The following ADAMTS20 variants were observed in gnomAD, a reference collection of about 807,000 sequenced individuals.
ADAMTS20 encodes A disintegrin and metalloproteinase with thrombospondin motifs 20.
Under a neutral mutation model 260.1 loss-of-function variants are expected in ADAMTS20, and 225 were observed. That is an observed-to-expected ratio of 0.87 (90% CI 0.78 to 0.97). The LOEUF (loss-of-function observed/expected upper bound fraction) is 0.97. ADAMTS20 is among the 50% of genes least tolerant of loss of function. ADAMTS20 has a pLI of 0.00. For synonymous variants in ADAMTS20, 802 were observed against 769.5 expected (o/e 1.04, Z -0.70); for missense variants, 2,400 against 2,337.7 (o/e 1.03, Z -0.55).
chr12:43,484,938 G>A (rs962920767), intron 7 of ADAMTS20, among the ~76,000 whole-genome samples: 1 of 151,918 alleles, frequency 6.6e-6, no homozygotes, highest in Non-Finnish European at 1.5e-5. Flanking sequence ...AAGAACCTCA[G>A]GGCCAGACGG....
At chr12:43,355,558 G>T (rs922541542) in intron 38 of ADAMTS20, among the ~76,000 whole-genome samples, 2 of 152,004 alleles carry the variant, frequency 1.3e-5, no homozygotes, top group African/African-American at 4.8e-5. Context: ...TCATTTATGA[G>T]AAATATTTAT....
Position 43,376,345 on chromosome 12 carries a change from T to C in ADAMTS20, c.5126-15A>G. ...AAATGATTTACCTTCAAAGACAAATTAACACAACTTAACACAGAGCAAATT... is the reference window on the plus strand; with the variant it reads ...AAATGATTTACCTTCAAAGACAAATCAACACAACTTAACACAGAGCAAATT... On this transcript the variant is annotated splice_polypyrimidine_tract_variant and intron_variant, in intron 33 of 38. Coordinates refer to ENST00000389420, the MANE Select transcript of ADAMTS20 (RefSeq NM_025003.5). 1 of 1,510,334 alleles carries C rather than the reference T, an allele frequency of 6.6e-7. No individual in the cohort carries two copies. Among genetic ancestry groups the C allele is most frequent in the South Asian group, 1.3e-5 (1 of 79,998 alleles). The allele number at this position is 1,510,334 out of a possible 1,614,324, so 93.6% of individuals were successfully genotyped here.
At chr12:43,550,809 A>T in intron 2 of ADAMTS20, 100 bp downstream of exon 2, 1 of 1,425,622 alleles carries the variant, frequency 7.0e-7, no homozygotes, top group African/African-American at 1.4e-5. Context: ...CCTGAACTCC[A>T]GGGTCATCAG....
chr12:43,544,831 C>T (rs1943421819), intron 2 of ADAMTS20, among the ~76,000 whole-genome samples: 2 of 152,168 alleles, frequency 1.3e-5, no homozygotes, highest in South Asian at 4.1e-4. Flanking sequence ...ACTTTTTGGT[C>T]TCCTTCACCA....
Position 43,383,704 on chromosome 12 carries a change from C to A in ADAMTS20, c.4651G>T (p.Asp1551Tyr). The A allele has an allele frequency of 1.2e-6, 2 of 1,613,846 alleles. No individual in the cohort carries two copies. Among genetic ancestry groups the A allele is most frequent in the Admixed American group, 3.3e-5 (2 of 60,014 alleles). Residue 1551 changes from aspartate to tyrosine, a missense_variant, in exon 31 of 39, where the codon GAT becomes TAT. Transcript: ENST00000389420. ...GTGCACTCCATTCGTTGATGTGAAT[C>A]TTTTCTCTCACATGATGTTGAACAC... Reference protein sequence around the residue: ...LNCSTSCERKDSHQRMECTDN... With the variant: ...LNCSTSCERKYSHQRMECTDN...
intron 7 of ADAMTS20, among the ~76,000 whole-genome samples, chr12:43,470,170 T>C (rs1200324959): frequency 6.6e-6 from 1 of 152,208 alleles, no homozygotes; most frequent in African/African-American, 2.4e-5. Context: ...CATCATCTTA[T>C]TATATGTTTC....
At chr12:43,517,436 A>T (rs955016330) in intron 3 of ADAMTS20, among the ~76,000 whole-genome samples, 4 of 152,064 alleles carry the variant, frequency 2.6e-5, no homozygotes, top group African/African-American at 9.6e-5. Flanking sequence ...AAATGATATC[A>T]TTTACAATAC....
chr12:43,492,826 T>C (rs1351530869), intron 5 of ADAMTS20, among the ~76,000 whole-genome samples, 197 bp from the exon 6 acceptor site: 1 of 152,062 alleles, frequency 6.6e-6, no homozygotes, highest in Non-Finnish European at 1.5e-5. Flanking sequence ...TGAATCTAAT[T>C]AGATCTTCTT....
In ADAMTS20 at chr12:43,398,967, T is replaced by G. The variant is rs569475209; in HGVS notation, c.4452+99A>C. 280 of 839,536 alleles carry G rather than the reference T, an allele frequency of 3.3e-4. No individual in the cohort carries two copies. The African/African-American group carries it at 4.6e-3, about 14-fold the overall frequency. 52.0% of individuals were successfully genotyped at this position (839,536 alleles called of 1,614,324 possible). A position where few individuals can be genotyped will look rare whatever the true frequency, so the allele number is the denominator to read the frequency against. ...GCAAAAAAGTATATAACAATAAATT[T>G]TAGAGAAGCAAAACATTCAAGGTTA... On this transcript the variant is annotated intron_variant, in intron 29 of 38. Transcript: ENST00000389420.
At chr12:43,437,684 T>C (rs765836173) in intron 18 of ADAMTS20, among the ~76,000 whole-genome samples, 16 of 152,176 alleles carry the variant, frequency 1.1e-4, no homozygotes, top group Non-Finnish European at 2.1e-4. Context: ...AATATTCTCT[T>C]CTCAAGAAAA....
intron 4 of ADAMTS20, among the ~76,000 whole-genome samples, chr12:43,496,128 G>A (rs17093393): frequency 0.12 from 17,550 of 152,068 alleles, 1,139 homozygotes; most frequent in Admixed American, 0.21. Context: ...AGGATACTAC[G>A]TTTGCTATAA....
chr12:43,421,596 A>C (rs1289240701), intron 28 of ADAMTS20, among the ~76,000 whole-genome samples: 1 of 152,044 alleles, frequency 6.6e-6, no homozygotes, highest in Non-Finnish European at 1.5e-5. Flanking sequence ...GAAAAGTAAA[A>C]CTTTTACTCA....
At chr12:43,514,086 T>TAAA (rs71091163) in intron 3 of ADAMTS20, among the ~76,000 whole-genome samples, 3 of 100,570 alleles carry the variant, frequency 3.0e-5, no homozygotes, top group African/African-American at 7.9e-5. Context: ...GAATAAACTC[T>TAAA]AAAAAAAAAA....
intron 2 of ADAMTS20, among the ~76,000 whole-genome samples, chr12:43,549,236 C>T (rs532857424): frequency 5.3e-5 from 8 of 151,262 alleles, no homozygotes; most frequent in African/African-American, 7.3e-5. Context: ...AATCTTCACA[C>T]GTAACATTAT....
intron 7 of ADAMTS20, 113 bp from the exon 8 acceptor site, chr12:43,468,818 A>G: frequency 1.7e-6 from 1 of 606,054 alleles, no homozygotes; most frequent in South Asian, 2.2e-5. Flanking sequence ...AAGAATGCAG[A>G]ATTGGCTGTT....
chr12:43,488,614 A>G (rs949828247), intron 7 of ADAMTS20, among the ~76,000 whole-genome samples: 1 of 152,182 alleles, frequency 6.6e-6, no homozygotes, highest in East Asian at 1.9e-4. Flanking sequence ...TTCACCATTT[A>G]CTAGCTTTGT....
chr12:43,436,807 T>C (rs565099818), intron 18 of ADAMTS20, among the ~76,000 whole-genome samples: 85 of 152,272 alleles, frequency 5.6e-4, no homozygotes, highest in Non-Finnish European at 1.0e-3. Context: ...CAACTTCTGT[T>C]ATCCCGCAGC....
At position 43,353,918 on chromosome 12, in the gene ADAMTS20, G is replaced by A. The variant is rs1375267364; in HGVS notation, c.*291C>T. 4 of 212,870 alleles carry A rather than the reference G, an allele frequency of 1.9e-5. No homozygotes were observed. The South Asian group carries it at 4.5e-4, about 24-fold the overall frequency. The allele number at this position is 212,870 out of a possible 1,614,324, so 13.2% of individuals were successfully genotyped here. ...TGTGGTCCAGGCCAAGATGTTAAGA[G>A]CAACACTGTCTTGGTATAATTCATT... On this transcript the variant is annotated 3_prime_UTR_variant, in exon 39 of 39. Transcript: ENST00000389420.
At chr12:43,547,217 T>C (rs1264225955) in intron 2 of ADAMTS20, among the ~76,000 whole-genome samples, 2 of 152,202 alleles carry the variant, frequency 1.3e-5, no homozygotes, top group East Asian at 3.8e-4. Context: ...TTGATTTGTT[T>C]TTCATTCTTT....
Sources: gnomAD v4.1 joint callset for allele counts (sites outside exome capture counted in the v4.1 genomes callset) on GRCh38, gnomAD v4.1.1 for gene constraint, MANE v1.5 for transcripts, NCBI Gene and HGNC (gene_info 2026-07-23, HGNC 2026-07-21) for gene names.